Variants in ZNF787 observed in about 807,000 individuals in gnomAD.
ZNF787 encodes zinc finger protein 787.
In ZNF787, 7 loss-of-function variants were observed where a neutral mutation model predicts 16.9. That is an observed-to-expected ratio of 0.42 (90% confidence interval 0.24 to 0.78). The LOEUF (loss-of-function observed/expected upper bound fraction) is 0.78. Among genes scored for constraint, ZNF787 ranks in the 30% least tolerant of loss-of-function variants. The probability of loss-of-function intolerance (pLI) is 0.30; values close to 1 mark genes in which losing one functional copy is unlikely to be tolerated. For synonymous variants in ZNF787, 345 were observed against 270.9 expected (o/e 1.27, Z -2.69); for missense variants, 551 against 589.3 (o/e 0.94, Z 0.67).
At chr19:56,112,216 G>A (rs1244680747) in intron 1 of ZNF787, among the ~76,000 whole-genome samples, 1 of 152,134 alleles carries the variant, frequency 6.6e-6, no homozygotes, top group Non-Finnish European at 1.5e-5. Flanking sequence ...CCCCCCACTT[G>A]CTCTCAAGAA....
chr19:56,101,482 T>C (rs1052939269), intron 2 of ZNF787, among the ~76,000 whole-genome samples: 2 of 151,946 alleles, frequency 1.3e-5, no homozygotes, highest in African/African-American at 4.8e-5. Flanking sequence ...ACAAAGAGAG[T>C]GAGTGTATGA....
Position 56,099,728 on chromosome 19 carries a change from A to AG in ZNF787, c.79+3410_79+3411insC, listed in dbSNP as rs1986018259. ...TCCGTCTCAAAAAAAAAAAAAAAGAAAAGAGAGAGAGAGAAAGGACGAGTC... is the reference window on the plus strand; with the variant it reads ...TCCGTCTCAAAAAAAAAAAAAAAGAAGAAGAGAGAGAGAGAAAGGACGAGTC... On this transcript the variant is annotated intron_variant, in intron 2 of 2. Transcript: ENST00000610935. 7.4e-5 allele frequency among the ~76,000 whole-genome samples: 11 copies of AG among 147,804 alleles called. 1 individual carries two copies. The South Asian group carries it at 1.7e-3, about 23-fold the overall frequency.
At chr19:56,094,473 CTT>C (rs57458324) in intron 2 of ZNF787, among the ~76,000 whole-genome samples, 3 of 146,152 alleles carry the variant, frequency 2.1e-5, no homozygotes, top group Non-Finnish European at 3.0e-5. Flanking sequence ...CACGCCCCGC[CTT>C]TTTTTTTTTT....
intron 1 of ZNF787, among the ~76,000 whole-genome samples, chr19:56,116,314 C>A (rs1044247349): frequency 1.3e-5 from 2 of 151,970 alleles, no homozygotes; most frequent in Admixed American, 6.6e-5. Flanking sequence ...TGGTGGCGGG[C>A]GCCTGTAGTC....
At chr19:56,111,313 C>G (rs561941712) in intron 1 of ZNF787, among the ~76,000 whole-genome samples, 1 of 152,216 alleles carries the variant, frequency 6.6e-6, no homozygotes, top group African/African-American at 2.4e-5. Context: ...GAGGGAGGCC[C>G]AGCCTGGGGC....
intron 2 of ZNF787, among the ~76,000 whole-genome samples, chr19:56,100,666 T>G (rs1473407564): frequency 5.0e-5 from 6 of 119,452 alleles, no homozygotes; most frequent in Non-Finnish European, 1.1e-4. Flanking sequence ...CTACGATGTC[T>G]GTCACTGTCA....
In ZNF787 at chr19:56,103,115, C is replaced by T. The variant is rs1020936692; in HGVS notation, c.79+24G>A. ...GTCAGGTGGGAGGCAGCGGGGTCGG[C>T]TGGGAAGGCCTCTGGCTGCTCACCT... On this transcript the variant is annotated intron_variant, in intron 2 of 2. Coordinates refer to ENST00000610935, the MANE Select transcript of ZNF787 (RefSeq NM_001002836.4). 5.0e-6 allele frequency: 8 copies of T among 1,612,228 alleles called. No homozygotes were observed. The African/African-American group carries it at 8.0e-5, about 16-fold the overall frequency.
chr19:56,095,469 T>C (rs575928206), intron 2 of ZNF787, among the ~76,000 whole-genome samples: 1 of 152,236 alleles, frequency 6.6e-6, no homozygotes, highest in Non-Finnish European at 1.5e-5. Flanking sequence ...ATAAGTTTCC[T>C]TGAATTTCTA....
chr19:56,089,019 C>T lies in ZNF787; in HGVS notation c.153G>A (p.Ala51=). The T allele has an allele frequency of 1.4e-6, 2 of 1,480,122 alleles. No homozygotes were observed. Among genetic ancestry groups the T allele is most frequent in the Non-Finnish European group, 1.8e-6 (2 of 1,118,528 alleles). 91.7% of individuals were successfully genotyped at this position (1,480,122 alleles called of 1,614,324 possible). The part of the protein sequence containing the change: ...PPTKLSPPQS[A]PPAGPPPRPR... ...GCCGGGGAGGCGGGCCGGCTGGGGGCGCAGACTGGGGCGGGGACAGCTTGG... is the reference window on the plus strand; with the variant it reads ...GCCGGGGAGGCGGGCCGGCTGGGGGTGCAGACTGGGGCGGGGACAGCTTGG... Residue 51 remains alanine (A), a synonymous_variant, in exon 3 of 3, where the codon GCG becomes GCA. Coordinates refer to ENST00000610935, the MANE Select transcript of ZNF787 (RefSeq NM_001002836.4).
rs920660947 is a variant in ZNF787 at position 56,121,201 on chromosome 19, C to G, written c.-40G>C. 5.4e-5 allele frequency: 8 copies of G among 148,830 alleles called. No individual in the cohort carries two copies. Among genetic ancestry groups the G allele is most frequent in the African/African-American group, 2.0e-4 (8 of 40,232 alleles). The allele number at this position is 148,830 out of a possible 1,614,324, so 9.2% of individuals were successfully genotyped here. Reference sequence around the variant, plus strand: ...TTGGTCCCGGGGCCGCCGCGCCGCACTCCTCCTCCTCTCTCCTGCCTCGCG... The same window carrying G: ...TTGGTCCCGGGGCCGCCGCGCCGCAGTCCTCCTCCTCTCTCCTGCCTCGCG... On this transcript the variant is annotated 5_prime_UTR_variant, in exon 1 of 3. Coordinates refer to ENST00000610935, the MANE Select transcript of ZNF787 (RefSeq NM_001002836.4).
At chr19:56,098,504 G>A (rs925586996) in intron 2 of ZNF787, among the ~76,000 whole-genome samples, 28 of 148,530 alleles carry the variant, frequency 1.9e-4, no homozygotes, top group Admixed American at 5.3e-4. Flanking sequence ...GATTACGGCC[G>A]CAGGGTGATA....
At chr19:56,100,759 G>A (rs1196059251) in intron 2 of ZNF787, among the ~76,000 whole-genome samples, 2 of 143,678 alleles carry the variant, frequency 1.4e-5, no homozygotes. Flanking sequence ...TACGATGTCT[G>A]TCACTGTCAC....
intron 1 of ZNF787, 189 bp from the exon 2 acceptor site, chr19:56,103,416 G>A: frequency 4.2e-6 from 2 of 474,396 alleles, no homozygotes; most frequent in Non-Finnish European, 7.3e-6. Context: ...CACTGCAGGG[G>A]CCAGCCAAGG....
Position 56,088,217 on chromosome 19 carries a change from A to G in ZNF787, c.955T>C (p.Cys319Arg). The change falls in exon 3 of 3, where the codon TGC becomes CGC. Residue 319 changes from cysteine (C) to arginine (R), a missense_variant. By Grantham distance (180) the Cys-to-Arg change is radical. Coordinates refer to ENST00000610935, the MANE Select transcript of ZNF787 (RefSeq NM_001002836.4). This position sits in a 1 kb window ranked among gnomAD's most constrained non-coding sequence, Gnocchi z 8.6. ...AAGGEEPAHICVECGEGFVQG... is the reference protein window; with the variant it reads ...AAGGEEPAHIRVECGEGFVQG... Reference sequence around the variant, plus strand: ...ACGAAGCCCTCCCCGCACTCCACGCAGATGTGGGCCGGCTCCTCGCCCCCC... The same window carrying G: ...ACGAAGCCCTCCCCGCACTCCACGCGGATGTGGGCCGGCTCCTCGCCCCCC... 6.6e-7 allele frequency: 1 copy of G among 1,519,132 alleles called. No individual in the cohort carries two copies. The highest frequency in any genetic ancestry group is 8.8e-7 in the Non-Finnish European group (1 of 1,139,632). 94.1% of individuals were successfully genotyped at this position (1,519,132 alleles called of 1,614,324 possible). A position where few individuals can be genotyped will look rare whatever the true frequency, so the allele number is the denominator to read the frequency against.
chr19:56,102,649 A>C, intron 2 of ZNF787: 1 of 481,412 alleles, frequency 2.1e-6, no homozygotes, highest in Non-Finnish European at 3.7e-6. Flanking sequence ...AGTCTGCGTC[A>C]GCCTGCGGGT....
At chr19:56,108,834 G>A (rs2123421058) in intron 1 of ZNF787, among the ~76,000 whole-genome samples, 1 of 152,276 alleles carries the variant, frequency 6.6e-6, no homozygotes, top group African/African-American at 2.4e-5. Flanking sequence ...TGCCTCGGAT[G>A]GAAGAGTTCA....
chr19:56,117,661 T>C (rs1302601276), intron 1 of ZNF787, among the ~76,000 whole-genome samples: 3 of 152,250 alleles, frequency 2.0e-5, no homozygotes, highest in African/African-American at 7.2e-5. Flanking sequence ...TTGAGGATGG[T>C]CCTGTGTCCC....
chr19:56,099,640 G>A (rs2123404330), intron 2 of ZNF787, among the ~76,000 whole-genome samples: 1 of 146,294 alleles, frequency 6.8e-6, no homozygotes, highest in South Asian at 2.2e-4. Context: ...GAACCTGGGA[G>A]GTGGAAGTTG....
chr19:56,111,408 G>A (rs2029975754), intron 1 of ZNF787, among the ~76,000 whole-genome samples: 1 of 152,192 alleles, frequency 6.6e-6, no homozygotes, highest in African/African-American at 2.4e-5. Flanking sequence ...AGGGCACAAG[G>A]GCTTGGTGCT....
Sources: gnomAD v4.1 joint callset for allele counts (sites outside exome capture counted in the v4.1 genomes callset) on GRCh38, gnomAD v4.1.1 for gene constraint, Gnocchi (gnomAD v3.1) non-coding constraint, MANE v1.5 for transcripts, NCBI Gene and HGNC (gene_info 2026-07-23, HGNC 2026-07-21) for gene names.